The following ANAPC5 variants were observed in gnomAD, a reference collection of about 807,000 sequenced individuals.
ANAPC5 encodes anaphase-promoting complex subunit 5.
In ANAPC5, 60 loss-of-function variants were observed where a neutral mutation model predicts 91.3. That is an observed-to-expected ratio of 0.66 (90% CI 0.53 to 0.81). The LOEUF (loss-of-function observed/expected upper bound fraction) is 0.81, where lower values mean the gene tolerates loss of function less well. Ranked by LOEUF, ANAPC5 falls within the 40% of genes least tolerant of loss-of-function variation. The probability of loss-of-function intolerance (pLI) is 0.00; values close to 1 mark genes in which losing one functional copy is unlikely to be tolerated. For missense variants in ANAPC5, 690 were observed against 931.5 expected (o/e 0.74, Z 3.37); for synonymous variants, 340 against 364.1 (o/e 0.93, Z 0.75).
intron 11 of ANAPC5, among the ~76,000 whole-genome samples, chr12:121,322,024 C>A (rs1680916695): frequency 6.6e-6 from 1 of 152,044 alleles, no homozygotes; most frequent in African/African-American, 2.4e-5. Flanking sequence ...TGCCACCACG[C>A]CCAGCTAATA....
intron 1 of ANAPC5, among the ~76,000 whole-genome samples, chr12:121,351,865 A>G (rs1903904703): frequency 1.3e-5 from 2 of 151,922 alleles, no homozygotes; most frequent in South Asian, 4.1e-4. Flanking sequence ...TTTAAAGAAG[A>G]TACAGGATCT....
rs530069223 is a variant in ANAPC5 at position 121,350,960 on chromosome 12, AT to A, written c.207+1173del. On this transcript the variant is annotated intron_variant, in intron 1 of 16. Transcript: ENST00000261819. ...AATGAAAATTCTAGTAATATTGAGC[AT>A]TTACTACATGCTAGTAACAGTTTCT... is the stretch of plus-strand genomic sequence containing the variant. The A allele has an allele frequency of 1.1e-3, 396 of 350,148 alleles. 3 individuals carry two copies. Among genetic ancestry groups the A allele is most frequent in the Non-Finnish European group, 1.7e-3 (302 of 177,452 alleles). The allele number at this position is 350,148 out of a possible 1,614,324, so 21.7% of individuals were successfully genotyped here. A position where few individuals can be genotyped will look rare whatever the true frequency, so the allele number is the denominator to read the frequency against.
chr12:121,330,160 T>C (rs924896408), intron 9 of ANAPC5, among the ~76,000 whole-genome samples: 3 of 152,212 alleles, frequency 2.0e-5, no homozygotes, highest in African/African-American at 7.2e-5. Context: ...ATTTTTTTTT[T>C]CTGCAATCAC....
intron 1 of ANAPC5, among the ~76,000 whole-genome samples, chr12:121,348,719 A>G (rs568043375): frequency 1.3e-5 from 2 of 152,334 alleles, no homozygotes; most frequent in African/African-American, 4.8e-5. Context: ...CTCAGCTACC[A>G]AGAAGATTAC....
At chr12:121,329,885 G>A (rs1217172333) in intron 9 of ANAPC5, among the ~76,000 whole-genome samples, 1 of 152,144 alleles carries the variant, frequency 6.6e-6, no homozygotes, top group African/African-American at 2.4e-5. Flanking sequence ...AAAGTGCTGG[G>A]ATTACAGGTG....
At position 121,330,975 on chromosome 12, in the gene ANAPC5, T is replaced by C; in HGVS notation, c.1033-303A>G. The C allele has an allele frequency of 9.9e-6, 4 of 403,094 alleles. No homozygotes were observed. The South Asian group carries it at 1.1e-4, about 11-fold the overall frequency. 25.0% of individuals were successfully genotyped at this position (403,094 alleles called of 1,614,324 possible). On this transcript the variant is annotated intron_variant, in intron 8 of 16. Transcript: ENST00000261819. ...TTGAGAAATAAGATTCTCAGGTGCT[T>C]GTCAAGTAGCTTCTGTGTTCCACTG...
chr12:121,320,507 A>C, intron 11 of ANAPC5, 48 bp from the exon 12 acceptor site: 1 of 1,533,428 alleles, frequency 6.5e-7, no homozygotes, highest in Non-Finnish European at 9.0e-7. Context: ...TGTTGAATCC[A>C]CACCTGCTGT....
In ANAPC5 at chr12:121,342,081, A is replaced by G. The variant is rs1555274169; in HGVS notation, c.591-12T>C. 1.3e-6 allele frequency: 2 copies of G among 1,569,694 alleles called. No homozygotes were observed. The highest frequency in any genetic ancestry group is 1.7e-6 in the Non-Finnish European group (2 of 1,156,392). ...ATACCTCCTCTTCTCTGGAAAAAAT[A>G]AAAAAACAAAAATAGTAAAGAATTA... On this transcript the variant is annotated splice_polypyrimidine_tract_variant and intron_variant, in intron 4 of 16. Coordinates refer to ENST00000261819, the MANE Select transcript of ANAPC5 (RefSeq NM_016237.5). This position sits in a 1 kb window ranked among gnomAD's most constrained non-coding sequence, Gnocchi z 4.1.
At chr12:121,311,552 G>T (rs531625920) in intron 15 of ANAPC5, among the ~76,000 whole-genome samples, 1 of 152,264 alleles carries the variant, frequency 6.6e-6, no homozygotes, top group African/African-American at 2.4e-5. Context: ...ACAATAATAG[G>T]CCAGGCACAG....
At chr12:121,325,984 G>A (rs926646870) in intron 11 of ANAPC5, among the ~76,000 whole-genome samples, 3 of 152,220 alleles carry the variant, frequency 2.0e-5, no homozygotes, top group Non-Finnish European at 2.9e-5. Flanking sequence ...GCCACGAAGA[G>A]GGAAGAAACA....
chr12:121,350,807 C>G (rs1903857866), intron 1 of ANAPC5, among the ~76,000 whole-genome samples: 1 of 152,086 alleles, frequency 6.6e-6, no homozygotes, highest in Non-Finnish European at 1.5e-5. Flanking sequence ...AAAAACAGGA[C>G]TAAGTACTGA....
At chr12:121,351,749 G>A (rs1055033239) in intron 1 of ANAPC5, among the ~76,000 whole-genome samples, 8 of 152,016 alleles carry the variant, frequency 5.3e-5, no homozygotes, top group Non-Finnish European at 1.0e-4. Context: ...GAGCCACTGC[G>A]CCCGGCCCGG....
rs1555272316 is a variant in ANAPC5, at chr12:121,326,953, C to A, written c.1440+143G>T. Reference sequence around the variant, plus strand: ...TGCAGACTCCACCCTTGGTCCCCTTCCACTGGTGGGATTTCACTCTTTCAG... The same window carrying A: ...TGCAGACTCCACCCTTGGTCCCCTTACACTGGTGGGATTTCACTCTTTCAG... On this transcript the variant is annotated intron_variant, in intron 11 of 16. Transcript: ENST00000261819. 14 of 1,166,670 alleles carry A rather than the reference C, an allele frequency of 1.2e-5. No individual in the cohort carries two copies. The East Asian group carries it at 4.0e-4, about 33-fold the overall frequency. 72.3% of individuals were successfully genotyped at this position (1,166,670 alleles called of 1,614,324 possible). A position where few individuals can be genotyped will look rare whatever the true frequency, so the allele number is the denominator to read the frequency against.
At chr12:121,327,399 G>A (rs1291174567) in intron 10 of ANAPC5, 168 bp from the exon 11 acceptor site, 1 of 761,722 alleles carries the variant, frequency 1.3e-6, no homozygotes. Flanking sequence ...CTCAGGATAA[G>A]AAAGGCAGAA....
chr12:121,308,608 C>T lies in ANAPC5; in HGVS notation c.2140G>A (p.Val714Ile), dbSNP rs754820567. The change falls in exon 17 of 17, where the codon GTT becomes ATT. Residue 714 changes from valine (V) to isoleucine (I), a missense_variant. Physicochemically the swap from Val to Ile is conservative, Grantham distance 29. Coordinates refer to ENST00000261819, the MANE Select transcript of ANAPC5 (RefSeq NM_016237.5). ...VDCKERIRDV[V>I]YFQARLYHTL... ...TGGTAGAGTCTGGCCTGGAAGTAAA[C>T]GACGTCCCTGATGCGCTCTTTGCAG... The T allele has an allele frequency of 5.0e-6, 8 of 1,614,138 alleles. No individual in the cohort carries two copies. The highest frequency in any genetic ancestry group is 2.2e-5 in the East Asian group (1 of 44,876).
chr12:121,348,884 G>C (rs1555274984), intron 1 of ANAPC5, among the ~76,000 whole-genome samples: 1 of 152,200 alleles, frequency 6.6e-6, no homozygotes, highest in African/African-American at 2.4e-5. Context: ...ACTGAAAGGA[G>C]CCTGTAAGTC....
chr12:121,319,912 T>C, intron 12 of ANAPC5, 94 bp from the exon 13 acceptor site: 2 of 1,218,640 alleles, frequency 1.6e-6, no homozygotes, highest in Non-Finnish European at 1.1e-6. Context: ...GCAAATATCC[T>C]TACAATAATT....
At chr12:121,347,974 T>C (rs1301164194) in intron 1 of ANAPC5, 93 bp from the exon 2 acceptor site, 4 of 870,888 alleles carry the variant, frequency 4.6e-6, no homozygotes, top group Non-Finnish European at 7.4e-6. Context: ...ACCCCTCTGC[T>C]TTAATAATCA....
Position 121,342,087 on chromosome 12 carries a change from A to G in ANAPC5, c.591-18T>C. ...CCTCTTCTCTGGAAAAAATAAAAAA[A>G]CAAAAATAGTAAAGAATTACACAAA... On this transcript the variant is annotated intron_variant, in intron 4 of 16. Coordinates refer to ENST00000261819, the MANE Select transcript of ANAPC5 (RefSeq NM_016237.5). The surrounding 1 kb of genome is among the most constrained non-coding windows in gnomAD (Gnocchi z 4.1). 2.6e-6 allele frequency: 4 copies of G among 1,557,284 alleles called. No individual in the cohort carries two copies. Among genetic ancestry groups the G allele is most frequent in the Non-Finnish European group, 3.5e-6 (4 of 1,144,686 alleles).
Sources: gnomAD v4.1 joint callset for allele counts (sites outside exome capture counted in the v4.1 genomes callset) on GRCh38, gnomAD v4.1.1 for gene constraint, Gnocchi (gnomAD v3.1) non-coding constraint, MANE v1.5 for transcripts, NCBI Gene and HGNC (gene_info 2026-07-23, HGNC 2026-07-21) for gene names.